FRMD4A: variants seen among roughly 807,000 people sequenced by gnomAD.
FRMD4A encodes FERM domain containing 4A, also known as FERM domain-containing protein 4A.
Under a neutral mutation model 129.1 loss-of-function variants are expected in FRMD4A, and 29 were observed. The ratio of observed to expected loss-of-function variants is 0.22; its 90% CI spans 0.17 to 0.31. The LOEUF is 0.31. FRMD4A is among the 10% of genes least tolerant of loss of function. The pLI, the probability that FRMD4A is intolerant of heterozygous loss-of-function variation, is 1.00. For missense variants in FRMD4A, 1,272 were observed against 1,375.8 expected (o/e 0.92, Z 1.19); for synonymous variants, 634 against 571.6 (o/e 1.11, Z -1.56).
intron 24 of FRMD4A, chr10:13,649,349 T>TAA (rs2081359701): frequency 7.8e-6 from 1 of 127,612 alleles, no homozygotes; most frequent in African/African-American, 2.7e-5. Flanking sequence ...GTGAAGAGCC[T>TAA]AACTGTTGGC....
intron 15 of FRMD4A, chr10:13,685,511 G>A: frequency 1.0e-6 from 1 of 985,216 alleles, no homozygotes; most frequent in Non-Finnish European, 1.2e-6. Flanking sequence ...CTGGGTCCAA[G>A]CTTGTTAGGC....
At chr10:13,924,477 C>A (rs1232458292) in intron 2 of FRMD4A, among the ~76,000 whole-genome samples, 1 of 151,978 alleles carries the variant, frequency 6.6e-6, no homozygotes, top group Non-Finnish European at 1.5e-5. Context: ...TTACCGTTCC[C>A]TCTGCCTGGG....
intron 12 of FRMD4A, among the ~76,000 whole-genome samples, chr10:13,709,679 AG>A (rs1278525652): frequency 3.3e-5 from 5 of 152,190 alleles, no homozygotes; most frequent in Admixed American, 3.3e-4. Flanking sequence ...GCGGTCCCTC[AG>A]CCGCTATCCT....
In FRMD4A at chr10:14,293,522, C is replaced by T. The variant is rs1474185815; in HGVS notation, c.45+36536G>A. 2.6e-5 allele frequency among the ~76,000 whole-genome samples: 4 copies of T among 152,184 alleles called. No homozygotes were observed. The South Asian group carries it at 8.3e-4, about 32-fold the overall frequency. On this transcript the variant is annotated intron_variant, in intron 2 of 24. Transcript: ENST00000357447. ...CTATGAACAAAAATGTTGTACTTCA[C>T]TGATAATCAGGCAAATAACAAAAAT... is the stretch of plus-strand genomic sequence containing the variant.
In FRMD4A at chr10:13,972,335, C is replaced by G. The variant is rs2095523381; in HGVS notation, c.46-113423G>C. 2.5e-5 allele frequency: 25 copies of G among 985,664 alleles called. No homozygotes were observed. The South Asian group carries it at 9.9e-4, about 39-fold the overall frequency. 61.1% of individuals were successfully genotyped at this position (985,664 alleles called of 1,614,324 possible). On this transcript the variant is annotated intron_variant, in intron 2 of 24. Coordinates refer to ENST00000357447, the MANE Select transcript of FRMD4A (RefSeq NM_018027.5). Reference sequence around the variant, plus strand: ...ACCCATGAGTTTCCACAAGGTCAAGCAAAAAGTCCCATTCTGTAGCAGCAC... The same window carrying G: ...ACCCATGAGTTTCCACAAGGTCAAGGAAAAAGTCCCATTCTGTAGCAGCAC...
At chr10:13,669,873 A>G (rs182636470) in intron 17 of FRMD4A, among the ~76,000 whole-genome samples, 1 of 152,346 alleles carries the variant, frequency 6.6e-6, no homozygotes, top group Non-Finnish European at 1.5e-5. Flanking sequence ...CTCCAAACAC[A>G]GACAAACAAG....
At chr10:13,781,116 AAC>A (rs1206097005) in intron 6 of FRMD4A, among the ~76,000 whole-genome samples, 9 of 152,008 alleles carry the variant, frequency 5.9e-5, no homozygotes, top group Non-Finnish European at 1.3e-4. Context: ...CAGCCTGGCC[AAC>A]ATGGTGAAAC....
intron 12 of FRMD4A, among the ~76,000 whole-genome samples, chr10:13,734,230 C>G (rs1442456259): frequency 6.6e-6 from 1 of 152,202 alleles, no homozygotes; most frequent in East Asian, 1.9e-4. Flanking sequence ...CATCCTGAAG[C>G]CCCGCCAGGT....
In FRMD4A at chr10:13,666,328, G is replaced by A. The variant is rs1254433069; in HGVS notation, c.1375-3C>T. ...TCCAGGCGTTCCAGCTCAGCTTCCT[G>A]TGGGAGGGAAAGCACCGGTTTGGGT... On this transcript the variant is annotated splice_region_variant and splice_polypyrimidine_tract_variant and intron_variant, in intron 17 of 24. Coordinates refer to ENST00000357447, the MANE Select transcript of FRMD4A (RefSeq NM_018027.5). 6.2e-7 allele frequency: 1 copy of A among 1,608,000 alleles called. No homozygotes were observed. The highest frequency in any genetic ancestry group is 8.5e-7 in the Non-Finnish European group (1 of 1,174,524).
Position 14,098,666 on chromosome 10 carries a change from C to T in FRMD4A, c.45+231392G>A, listed in dbSNP as rs1464871812. On this transcript the variant is annotated intron_variant, in intron 2 of 24. Transcript: ENST00000357447. The stretch of plus-strand genomic sequence containing the variant: ...CCCGTGATCCGCCCGCCTCGACCTC[C>T]CAAAGTGCTGGGATTACAGGTGTGA... Among the ~76,000 whole-genome samples, 6 of 152,106 alleles carry T rather than the reference C, an allele frequency of 3.9e-5. No homozygotes were observed. In the East Asian group the frequency reaches 1.2e-3, roughly 29 times the overall value.
chr10:14,064,588 T>C (rs1834967009), intron 2 of FRMD4A, among the ~76,000 whole-genome samples: 1 of 152,162 alleles, frequency 6.6e-6, no homozygotes, highest in African/African-American at 2.4e-5. Context: ...TTTTTATTTA[T>C]TTATTTTGAG....
rs143215586 is a variant in FRMD4A, at chr10:14,005,766, C to G, written c.46-146854G>C. On this transcript the variant is annotated intron_variant, in intron 2 of 24. Coordinates refer to ENST00000357447, the MANE Select transcript of FRMD4A (RefSeq NM_018027.5). ...GATTTAGGTCCTGCTCTGTCATTGA[C>G]TGTATATTCCCATAAAGAAGATTAA... is the stretch of plus-strand genomic sequence containing the variant. Among the ~76,000 whole-genome samples the G allele has an allele frequency of 9.5e-3, 1,454 of 152,272 alleles. 8 individuals carry two copies. The highest frequency in any genetic ancestry group is 0.02 in the Middle Eastern group (6 of 294).
At chr10:13,725,287 C>CA in intron 12 of FRMD4A, among the ~76,000 whole-genome samples, 1 of 152,286 alleles carries the variant, frequency 6.6e-6, no homozygotes, top group South Asian at 2.1e-4. Flanking sequence ...TGGCAGGGGG[C>CA]AGGGGCAGGC....
intron 2 of FRMD4A, among the ~76,000 whole-genome samples, chr10:14,112,780 C>T (rs1348580456): frequency 6.6e-6 from 1 of 152,202 alleles, no homozygotes; most frequent in Non-Finnish European, 1.5e-5. Flanking sequence ...CCTTCCTCGG[C>T]CTCTCAAAGT....
chr10:14,002,773 G>A (rs1295436941), intron 2 of FRMD4A, among the ~76,000 whole-genome samples: 2 of 152,184 alleles, frequency 1.3e-5, no homozygotes, highest in African/African-American at 4.8e-5. Context: ...AAGGGATGGG[G>A]TGCCTGGAAG....
At chr10:13,978,491 C>T (rs137876710) in intron 2 of FRMD4A, among the ~76,000 whole-genome samples, 18 of 152,162 alleles carry the variant, frequency 1.2e-4, no homozygotes, top group African/African-American at 4.1e-4. Flanking sequence ...TTTTCTAATC[C>T]GGGTTCCACT....
intron 2 of FRMD4A, among the ~76,000 whole-genome samples, chr10:14,120,215 G>T (rs545677889): frequency 1.3e-5 from 2 of 151,926 alleles, no homozygotes; most frequent in Admixed American, 1.3e-4. Flanking sequence ...TTCCCAAGCC[G>T]AGTTCCTCCA....
intron 2 of FRMD4A, among the ~76,000 whole-genome samples, chr10:13,934,094 A>T (rs2095227774): frequency 6.6e-6 from 1 of 152,250 alleles, no homozygotes; most frequent in Non-Finnish European, 1.5e-5. Context: ...AGCACCCTGG[A>T]AAAAATATAG....
chr10:13,682,662 G>A (rs561290847), intron 15 of FRMD4A, among the ~76,000 whole-genome samples: 2 of 151,672 alleles, frequency 1.3e-5, no homozygotes, highest in East Asian at 2.0e-4. Flanking sequence ...CACCACGCCC[G>A]GCTAATTTTT....
Sources: allele counts gnomAD v4.1 joint callset (sites outside exome capture counted in the v4.1 genomes callset), GRCh38; gene constraint gnomAD v4.1.1; transcripts MANE v1.5; gene names NCBI Gene and HGNC (gene_info 2026-07-23, HGNC 2026-07-21).